Variants in WNT7A observed in about 807,000 individuals in gnomAD.
WNT7A encodes the protein Wnt family member 7A.
In WNT7A, 16 loss-of-function variants were observed where a neutral mutation model predicts 28.2. The observed-to-expected ratio is 0.57, with a 90% CI of 0.38 to 0.86. The LOEUF (loss-of-function observed/expected upper bound fraction) is 0.86. Ranked by LOEUF, WNT7A falls within the 40% of genes least tolerant of loss-of-function variation. WNT7A has a pLI of 0.00. For synonymous variants in WNT7A, 190 were observed against 195.9 expected (o/e 0.97, Z 0.25); for missense variants, 411 against 489.7 (o/e 0.84, Z 1.52).
chr3:13,840,341 T>G (rs1694436259), intron 3 of WNT7A, among the ~76,000 whole-genome samples: 1 of 152,234 alleles, frequency 6.6e-6, no homozygotes, highest in African/African-American at 2.4e-5. Flanking sequence ...ATTTGTTTGT[T>G]GTCTCCCTTC....
chr3:13,871,501 C>T (rs1205610742), intron 2 of WNT7A, among the ~76,000 whole-genome samples: 1 of 152,040 alleles, frequency 6.6e-6, no homozygotes, highest in Non-Finnish European at 1.5e-5. Flanking sequence ...ACCAGAGTGA[C>T]TCCCTCCTTC....
intron 2 of WNT7A, among the ~76,000 whole-genome samples, chr3:13,856,137 G>C: frequency 6.6e-6 from 1 of 152,278 alleles, no homozygotes; most frequent in East Asian, 1.9e-4. Context: ...CCATGCCAGG[G>C]CTGTCTTTGC....
At chr3:13,832,394 A>G (rs1453965272) in intron 3 of WNT7A, among the ~76,000 whole-genome samples, 1 of 140,582 alleles carries the variant, frequency 7.1e-6, no homozygotes, top group Non-Finnish European at 1.5e-5. Context: ...CCTCCTCTAC[A>G]GGCTCCTCCC....
At chr3:13,835,991 A>G (rs978571068) in intron 3 of WNT7A, among the ~76,000 whole-genome samples, 2 of 152,132 alleles carry the variant, frequency 1.3e-5, no homozygotes, top group Non-Finnish European at 2.9e-5. Context: ...AGAGACAGAG[A>G]GCAGAGGAGT....
intron 3 of WNT7A, among the ~76,000 whole-genome samples, chr3:13,852,951 T>G (rs975600504): frequency 6.6e-6 from 1 of 152,072 alleles, no homozygotes; most frequent in Non-Finnish European, 1.5e-5. Flanking sequence ...GGCAGGAGGA[T>G]GTATGGCCCT....
chr3:13,879,800 C>A lies in WNT7A; in HGVS notation c.17G>T (p.Arg6Leu). MNRKA[R>L]RCLGHLFLSL... ...GAGAAAGAGGTGGCCCAGGCAGCGCCGCGCTTTCCGGTTCATAGTCCCGAT... is the reference window on the plus strand; with the variant it reads ...GAGAAAGAGGTGGCCCAGGCAGCGCAGCGCTTTCCGGTTCATAGTCCCGAT... Residue 6 changes from arginine to leucine, a missense_variant, in exon 1 of 4, where the codon CGG becomes CTG. Coordinates refer to ENST00000285018, the MANE Select transcript of WNT7A (RefSeq NM_004625.4). 5.0e-6 allele frequency: 8 copies of A among 1,611,978 alleles called. No homozygotes were observed. Among genetic ancestry groups the A allele is most frequent in the Non-Finnish European group, 6.8e-6 (8 of 1,178,944 alleles).
rs749193372 is a variant in WNT7A at position 13,854,753 on chromosome 3, G to C, written c.349C>G (p.His117Asp). The C allele has an allele frequency of 6.2e-7, 1 of 1,613,860 alleles. No homozygotes were observed. The highest frequency in any genetic ancestry group is 8.5e-7 in the Non-Finnish European group (1 of 1,180,040). ...TGGGTACAGGCAGCTGTGATGGCGTGGGCCACGCCGGCGGCAATGATGGCG... is the reference window on the plus strand; with the variant it reads ...TGGGTACAGGCAGCTGTGATGGCGTCGGCCACGCCGGCGGCAATGATGGCG... Reference protein sequence around the residue: ...TYAIIAAGVAHAITAACTQGN... With the variant: ...TYAIIAAGVADAITAACTQGN... The change falls in exon 3 of 4, where the codon CAC becomes GAC. Residue 117 changes from histidine (H) to aspartate (D), a missense_variant. His to Asp is a moderately conservative substitution (Grantham distance 81). Transcript: ENST00000285018.
chr3:13,869,012 GAGAGAGAA>G (rs201224381), intron 2 of WNT7A, among the ~76,000 whole-genome samples: 7,886 of 146,596 alleles, frequency 0.054, 80 homozygotes, highest in South Asian at 0.16. Flanking sequence ...GAAAGAAAGA[GAGAGAGAA>G]AGAGAGAAAG....
chr3:13,848,456 T>C (rs1027369394), intron 3 of WNT7A, among the ~76,000 whole-genome samples: 3 of 152,210 alleles, frequency 2.0e-5, no homozygotes, highest in Admixed American at 6.5e-5. Context: ...GCTATCCAGA[T>C]GGCAAATAAG....
chr3:13,830,995 C>T (rs1248416667), intron 3 of WNT7A, among the ~76,000 whole-genome samples: 2 of 152,104 alleles, frequency 1.3e-5, no homozygotes, highest in African/African-American at 2.4e-5. Flanking sequence ...GTTAAATGAC[C>T]GAAGGTGGAG....
Position 13,817,434 on chromosome 3 carries a change from AC to A in WNT7A, c.*1509del, listed in dbSNP as rs1694022861. The A allele has an allele frequency of 1.5e-5, 1 of 67,264 alleles. No homozygotes were observed. Among genetic ancestry groups the A allele is most frequent in the Admixed American group, 1.2e-4 (1 of 8,354 alleles). 4.2% of individuals were successfully genotyped at this position (67,264 alleles called of 1,614,324 possible). On this transcript the variant is annotated 3_prime_UTR_variant, in exon 4 of 4. Coordinates refer to ENST00000285018, the MANE Select transcript of WNT7A (RefSeq NM_004625.4). ...CTAAGAAGATACAGTACACACACAC[AC>A]ACACACACACACACACACACACACA...
Position 13,818,631 on chromosome 3 carries a change from G to C in WNT7A, c.*313C>G, listed in dbSNP as rs1302529277. The C allele has an allele frequency of 5.3e-6, 1 of 188,906 alleles. No homozygotes were observed. Among genetic ancestry groups the C allele is most frequent in the African/African-American group, 2.3e-5 (1 of 42,794 alleles). 11.7% of individuals were successfully genotyped at this position (188,906 alleles called of 1,614,324 possible). ...AAATAAATTAATATTATTTTTATCAGAATAAATTGTTAAATATTGCTGTGA... is the reference window on the plus strand; with the variant it reads ...AAATAAATTAATATTATTTTTATCACAATAAATTGTTAAATATTGCTGTGA... On this transcript the variant is annotated 3_prime_UTR_variant, in exon 4 of 4. Transcript: ENST00000285018.
At chr3:13,831,128 T>G (rs1050857640) in intron 3 of WNT7A, among the ~76,000 whole-genome samples, 1 of 152,180 alleles carries the variant, frequency 6.6e-6, no homozygotes, top group East Asian at 1.9e-4. Flanking sequence ...TTTCTCGGCC[T>G]AGGGCTCAAT....
At position 13,816,264 on chromosome 3, in the gene WNT7A, C is replaced by T. The variant is rs1290748410; in HGVS notation, c.*2680G>A. On this transcript the variant is annotated 3_prime_UTR_variant, in exon 4 of 4. Coordinates refer to ENST00000285018, the MANE Select transcript of WNT7A (RefSeq NM_004625.4). ...TTAATAATAATATTTAGCATTCATC[C>T]ATTGCTTTGCAACTCAAAGTGCCAT... The T allele has an allele frequency of 6.6e-6, 1 of 152,144 alleles. No homozygotes were observed. Among genetic ancestry groups the T allele is most frequent in the Admixed American group, 6.5e-5 (1 of 15,272 alleles). The allele number at this position is 152,144 out of a possible 1,614,324, so 9.4% of individuals were successfully genotyped here. A position where few individuals can be genotyped will look rare whatever the true frequency, so the allele number is the denominator to read the frequency against.
intron 2 of WNT7A, among the ~76,000 whole-genome samples, chr3:13,874,421 C>A (rs1282171326): frequency 6.6e-6 from 1 of 152,138 alleles, no homozygotes; most frequent in African/African-American, 2.4e-5. Context: ...AAGTCAAAAG[C>A]CCACAGGAGT....
At position 13,819,135 on chromosome 3, in the gene WNT7A, C is replaced by T. The variant is rs772480356; in HGVS notation, c.859G>A (p.Val287Met). 3 of 1,614,202 alleles carry T rather than the reference C, an allele frequency of 1.9e-6. No individual in the cohort carries two copies. The South Asian group carries it at 3.3e-5, about 18-fold the overall frequency. The change falls in exon 4 of 4, where the codon GTG becomes ATG. Residue 287 changes from valine to methionine, a missense_variant. Val to Met is a conservative substitution (Grantham distance 21). Coordinates refer to ENST00000285018, the MANE Select transcript of WNT7A (RefSeq NM_004625.4). ...YCEEDPVTGS[V>M]GTQGRACNKT... ...TTGCAGGCGCGGCCCTGGGTGCCCA[C>T]ACTGCCGGTCACCGGGTCCTCCTCG...
At chr3:13,837,418 G>T (rs896583318) in intron 3 of WNT7A, among the ~76,000 whole-genome samples, 1 of 150,728 alleles carries the variant, frequency 6.6e-6, no homozygotes, top group African/African-American at 2.5e-5. Context: ...TGACTTGCTT[G>T]CTCTCCCCTC....
intron 1 of WNT7A, among the ~76,000 whole-genome samples, chr3:13,876,129 T>C (rs184170429): frequency 3.9e-5 from 6 of 151,908 alleles, no homozygotes; most frequent in Non-Finnish European, 5.9e-5. Context: ...CCTTGAGGAG[T>C]TGACATTAGA....
At chr3:13,844,474 C>G (rs1694508835) in intron 3 of WNT7A, among the ~76,000 whole-genome samples, 1 of 152,212 alleles carries the variant, frequency 6.6e-6, no homozygotes, top group Non-Finnish European at 1.5e-5. Flanking sequence ...GACCCTGAGT[C>G]CAGCTCTCCT....
Sources: gnomAD v4.1 joint callset for allele counts (sites outside exome capture counted in the v4.1 genomes callset) on GRCh38, gnomAD v4.1.1 for gene constraint, MANE v1.5 for transcripts, NCBI Gene and HGNC (gene_info 2026-07-23, HGNC 2026-07-21) for gene names.